The following RPS6KA2 variants were observed in gnomAD, a reference collection of about 807,000 sequenced individuals.
The protein encoded by RPS6KA2 is ribosomal protein S6 kinase alpha-2.
Under a neutral mutation model 91.8 loss-of-function variants are expected in RPS6KA2, and 42 were observed. The observed-to-expected ratio is 0.46, with a 90% CI of 0.36 to 0.59. The LOEUF (loss-of-function observed/expected upper bound fraction) is 0.59, where lower values mean the gene tolerates loss of function less well. Among genes scored for constraint, RPS6KA2 ranks in the 20% least tolerant of loss-of-function variants. The pLI is 0.00. For missense variants in RPS6KA2, 798 were observed against 978.5 expected, an observed-to-expected ratio of 0.82 and a Z score of 2.46; for synonymous variants, 414 against 393.6, an observed-to-expected ratio of 1.05 and a Z score of -0.61.
chr6:166,657,229 C>T (rs968024062), intron 2 of RPS6KA2, among the ~76,000 whole-genome samples: 2 of 152,028 alleles, frequency 1.3e-5, no homozygotes, highest in African/African-American at 2.4e-5. Flanking sequence ...TTTGGAAACA[C>T]ACAGAATAAC....
At chr6:166,415,992 C>T (rs943744781) in intron 19 of RPS6KA2, among the ~76,000 whole-genome samples, 1 of 150,974 alleles carries the variant, frequency 6.6e-6, no homozygotes, top group African/African-American at 2.4e-5. Flanking sequence ...ATCATCCTCA[C>T]CATCCTCCTC....
intron 2 of RPS6KA2, among the ~76,000 whole-genome samples, chr6:166,830,134 AAAAAAAAG>A (rs1780145570): frequency 9.4e-6 from 1 of 106,058 alleles, no homozygotes; most frequent in African/African-American, 3.1e-5. Flanking sequence ...TCAAAAAAAA[AAAAAAAAG>A]AAAGAAAGAA....
intron 2 of RPS6KA2, among the ~76,000 whole-genome samples, chr6:166,802,859 T>A (rs1461572347): frequency 6.6e-6 from 1 of 151,990 alleles, no homozygotes; most frequent in Non-Finnish European, 1.5e-5. Context: ...GTAACCATAA[T>A]GTTAAATTAA....
At chr6:166,529,472 A>G (rs1398810067) in intron 3 of RPS6KA2, among the ~76,000 whole-genome samples, 1 of 152,156 alleles carries the variant, frequency 6.6e-6, no homozygotes, top group Non-Finnish European at 1.5e-5. Flanking sequence ...CCTAATGTAA[A>G]TGATGAGTTA....
intron 2 of RPS6KA2, among the ~76,000 whole-genome samples, chr6:166,681,701 C>A (rs1285351829): frequency 1.3e-5 from 1 of 76,132 alleles, no homozygotes; most frequent in African/African-American, 6.0e-5. Flanking sequence ...CCCCCCCCCC[C>A]GCCCCCGCCC....
In RPS6KA2 at chr6:166,852,222, G is replaced by A. The variant is rs1487914739; in HGVS notation, c.123+5978C>T. On this transcript the variant is annotated intron_variant, in intron 2 of 21. Transcript: ENST00000503859. This position sits in a 1 kb window ranked among gnomAD's most constrained non-coding sequence, Gnocchi z 4.1. ...ATAGACTGCCATCATGGTGACTTAT[G>A]TAACACCAGCTTTCAGAGACGCCAC... Among the ~76,000 whole-genome samples the A allele has an allele frequency of 1.3e-5, 2 of 152,200 alleles. No homozygotes were observed. The highest frequency in any genetic ancestry group is 4.8e-5 in the African/African-American group (2 of 41,432).
At chr6:166,788,399 C>A (rs1220137840) in intron 2 of RPS6KA2, among the ~76,000 whole-genome samples, 1 of 152,158 alleles carries the variant, frequency 6.6e-6, no homozygotes, top group Non-Finnish European at 1.5e-5. Flanking sequence ...ATGTTTATTG[C>A]AGCACTATTT....
chr6:166,592,592 C>A (rs545893268), intron 1 of RPS6KA2, among the ~76,000 whole-genome samples: 2 of 152,032 alleles, frequency 1.3e-5, no homozygotes, highest in Admixed American at 6.5e-5. Context: ...TGAATCAGCG[C>A]CTGTCCTTAT....
At chr6:166,513,233 C>T (rs894807901) in intron 3 of RPS6KA2, among the ~76,000 whole-genome samples, 1 of 152,132 alleles carries the variant, frequency 6.6e-6, no homozygotes, top group Non-Finnish European at 1.5e-5. Flanking sequence ...GAGTAGGCAC[C>T]CAGCAGGCAG....
intron 2 of RPS6KA2, among the ~76,000 whole-genome samples, chr6:166,785,040 C>G (rs1778893637): frequency 1.3e-5 from 2 of 152,174 alleles, no homozygotes; most frequent in South Asian, 2.1e-4. Context: ...ATTGGTCACT[C>G]TCTGTATACA....
chr6:166,427,533 G>GA (rs1184854340), intron 16 of RPS6KA2, among the ~76,000 whole-genome samples: 1 of 152,188 alleles, frequency 6.6e-6, no homozygotes, highest in Non-Finnish European at 1.5e-5. Flanking sequence ...CAGATGACAT[G>GA]ATTGTATATC....
chr6:166,752,826 G>C (rs1046809410), intron 2 of RPS6KA2, among the ~76,000 whole-genome samples: 6 of 152,162 alleles, frequency 3.9e-5, no homozygotes, highest in Non-Finnish European at 7.4e-5. Context: ...GGTAAAATCT[G>C]CATCAAGTAG....
At chr6:166,462,796 C>G (rs1224272398) in intron 11 of RPS6KA2, among the ~76,000 whole-genome samples, 2 of 152,248 alleles carry the variant, frequency 1.3e-5, no homozygotes, top group Non-Finnish European at 2.9e-5. Context: ...GCTTTCAGCT[C>G]ACAGACCCCA....
intron 1 of RPS6KA2, among the ~76,000 whole-genome samples, chr6:166,562,678 CA>C (rs1432204110): frequency 6.6e-6 from 1 of 152,224 alleles, no homozygotes; most frequent in Non-Finnish European, 1.5e-5. Flanking sequence ...GCGGGAAAGA[CA>C]AACCCGTTAC....
At chr6:166,571,876 G>GA in intron 1 of RPS6KA2, among the ~76,000 whole-genome samples, 1 of 151,982 alleles carries the variant, frequency 6.6e-6, no homozygotes, top group Middle Eastern at 3.4e-3. Context: ...AGAATTTTTG[G>GA]AAAAAAATCA....
At chr6:166,659,706 C>T (rs540154474) in intron 2 of RPS6KA2, among the ~76,000 whole-genome samples, 3 of 152,256 alleles carry the variant, frequency 2.0e-5, no homozygotes, top group South Asian at 2.1e-4. Flanking sequence ...TCAGTGGACA[C>T]GGGTGGGAGC....
Position 166,439,633 on chromosome 6 carries a change from C to T in RPS6KA2, c.1333-7143G>A, listed in dbSNP as rs955922156. On this transcript the variant is annotated intron_variant, in intron 14 of 20. Transcript: ENST00000265678. The stretch of plus-strand genomic sequence containing the variant: ...CAGTGAACAACCCATGCAGGGGGAA[C>T]GTGCCATAGGGAAGATGATGTGGGT... Among the ~76,000 whole-genome samples, 6 of 152,108 alleles carry T rather than the reference C, an allele frequency of 3.9e-5. No individual in the cohort carries two copies. The South Asian group carries it at 8.3e-4, about 21-fold the overall frequency.
chr6:166,622,159 C>T (rs537175437), intron 1 of RPS6KA2, among the ~76,000 whole-genome samples: 190 of 152,120 alleles, frequency 1.2e-3, no homozygotes, highest in African/African-American at 4.3e-3. Flanking sequence ...CGGAAAAGGA[C>T]GGGCAAAGCA....
At chr6:166,644,092 G>A (rs7755114) in intron 2 of RPS6KA2, among the ~76,000 whole-genome samples, 51,173 of 152,000 alleles carry the variant, frequency 0.34, 9,049 homozygotes, top group African/African-American at 0.45. Flanking sequence ...GCAGAATGAG[G>A]ATTAACTTGT....
Sources: gnomAD v4.1 joint callset for allele counts (sites outside exome capture counted in the v4.1 genomes callset) on GRCh38, gnomAD v4.1.1 for gene constraint, Gnocchi (gnomAD v3.1) non-coding constraint, MANE v1.5 for transcripts, NCBI Gene and HGNC (gene_info 2026-07-23, HGNC 2026-07-21) for gene names.